DCTN2: variants seen among roughly 807,000 people sequenced by gnomAD.
DCTN2 encodes the protein 50 kDa dynein-associated polypeptide.
A neutral mutation model predicts 55.4 loss-of-function variants in DCTN2; 18 were observed. The observed-to-expected ratio is 0.32, with a 90% CI of 0.22 to 0.48. DCTN2 has a LOEUF of 0.48. Ranked by LOEUF, DCTN2 falls within the 20% of genes least tolerant of loss-of-function variation. The pLI is 0.99. For synonymous variants in DCTN2, 168 were observed against 185.2 expected (o/e 0.91, Z 0.76); for missense variants, 390 against 491.0 (o/e 0.79, Z 1.94).
At chr12:57,534,936 G>A (rs954367148) in intron 5 of DCTN2, 120 bp downstream of exon 5, 3 of 798,544 alleles carry the variant, frequency 3.8e-6, no homozygotes, top group South Asian at 1.7e-5. Context: ...TCCCAAAGTG[G>A]TAGGATTATA....
In DCTN2 at chr12:57,545,919, T is replaced by G. The variant is rs1374250703; in HGVS notation, c.105+109A>C. 4 of 1,116,454 alleles carry G rather than the reference T, an allele frequency of 3.6e-6. No homozygotes were observed. The East Asian group carries it at 9.5e-5, about 27-fold the overall frequency. The allele number at this position is 1,116,454 out of a possible 1,614,324, so 69.2% of individuals were successfully genotyped here. ...CCTGCAACCTATATACCACCCAGGC[T>G]GGGGTTGGCATACCCGCTTATTGCT... On this transcript the variant is annotated intron_variant, in intron 2 of 13. Coordinates refer to ENST00000548249, the MANE Select transcript of DCTN2 (RefSeq NM_001261413.2).
At position 57,543,257 on chromosome 12, in the gene DCTN2, G is replaced by A. The variant is rs573224997; in HGVS notation, c.105+2771C>T. On this transcript the variant is annotated intron_variant, in intron 2 of 13. Coordinates refer to ENST00000548249, the MANE Select transcript of DCTN2 (RefSeq NM_001261413.2). Reference sequence around the variant, plus strand: ...TCAGCTACTCGGGAGGCTAAGGCAGGAGAATGGCGTGAACCCGGGAGGTGG... The same window carrying A: ...TCAGCTACTCGGGAGGCTAAGGCAGAAGAATGGCGTGAACCCGGGAGGTGG... 46 of 343,072 alleles carry A rather than the reference G, an allele frequency of 1.3e-4. No individual in the cohort carries two copies. The East Asian group carries it at 3.4e-3, about 25-fold the overall frequency. 21.3% of individuals were successfully genotyped at this position (343,072 alleles called of 1,614,324 possible).
At chr12:57,533,847 G>A in intron 7 of DCTN2, 106 bp downstream of exon 7, 1 of 1,179,862 alleles carries the variant, frequency 8.5e-7, no homozygotes. Context: ...AGAGGAATCA[G>A]AGGAATCAGA....
intron 13 of DCTN2, among the ~76,000 whole-genome samples, chr12:57,531,722 AGT>A (rs1879731660): frequency 6.6e-6 from 1 of 152,172 alleles, no homozygotes; most frequent in Non-Finnish European, 1.5e-5. Context: ...AAAGGGAAAG[AGT>A]GGGGTTTTAT....
intron 3 of DCTN2, 67 bp from the exon 4 acceptor site, chr12:57,535,612 CTG>C: frequency 1.9e-6 from 3 of 1,574,910 alleles, no homozygotes; most frequent in Non-Finnish European, 1.7e-6. Context: ...TCTCAGGTGA[CTG>C]TGAGGGCTTC....
intron 2 of DCTN2, among the ~76,000 whole-genome samples, chr12:57,537,747 G>A (rs1215486384): frequency 1.3e-5 from 2 of 152,170 alleles, no homozygotes; most frequent in African/African-American, 4.8e-5. Context: ...TGTCCCATAT[G>A]CAAGTGCCCG....
chr12:57,530,894 G>C (rs1006872916), intron 13 of DCTN2, 119 bp from the exon 14 acceptor site: 1 of 872,588 alleles, frequency 1.1e-6, no homozygotes. Flanking sequence ...GTGGGCCACA[G>C]AGGGGGGATG....
intron 2 of DCTN2, chr12:57,539,984 G>A (rs992859427): frequency 1.0e-5 from 6 of 575,824 alleles, no homozygotes; most frequent in East Asian, 1.4e-4. Flanking sequence ...CCCGGCAGGC[G>A]GAGGTTGCAG....
chr12:57,543,671 C>T (rs1317012344), intron 2 of DCTN2: 23 of 753,338 alleles, frequency 3.1e-5, no homozygotes, highest in Middle Eastern at 6.6e-4. Context: ...CTTGGCTCTT[C>T]GGGCCCCTGA....
At chr12:57,539,889 G>A (rs1403384851) in intron 2 of DCTN2, among the ~76,000 whole-genome samples, 1 of 152,140 alleles carries the variant, frequency 6.6e-6, no homozygotes, top group African/African-American at 2.4e-5. Flanking sequence ...AGCCAGGCAT[G>A]GTGGTGGACG....
Position 57,530,696 on chromosome 12 carries a change from C to A in DCTN2, c.1199G>T (p.Gly400Val). 2 of 1,613,680 alleles carry A rather than the reference C, an allele frequency of 1.2e-6. No individual in the cohort carries two copies. The highest frequency in any genetic ancestry group is 1.7e-6 in the Non-Finnish European group (2 of 1,179,626). Residue 400 changes from glycine to valine, a missense_variant, in exon 14 of 14, where the codon GGA (glycine) becomes GTA (valine). Coordinates refer to ENST00000548249, the MANE Select transcript of DCTN2 (RefSeq NM_001261413.2). ...TCCAGCTCCCAAATGTGCTCACTTT[C>A]CCAGCTTCTTCATCCGTTCATCAAT... Reference protein sequence around the residue: ...ASIDERMKKLGK With the variant: ...ASIDERMKKLVK
chr12:57,534,044 C>A lies in DCTN2; in HGVS notation c.578G>T (p.Gly193Val), dbSNP rs761317836. The A allele has an allele frequency of 1.9e-6, 3 of 1,612,900 alleles. No homozygotes were observed. The highest frequency in any genetic ancestry group is 2.5e-6 in the Non-Finnish European group (3 of 1,179,426). The change falls in exon 7 of 14, where the codon GGA (glycine) becomes GTA (valine). Residue 193 changes from glycine to valine, a missense_variant. Coordinates refer to ENST00000548249, the MANE Select transcript of DCTN2 (RefSeq NM_001261413.2). ...ATKNSKGGSG[G>V]KTTGTPPDSS... Reference sequence around the variant, plus strand: ...ATCTGGGGGGGTCCCAGTGGTTTTTCCCCCTGATCCCCCTTTGCTGTTCTT... The same window carrying A: ...ATCTGGGGGGGTCCCAGTGGTTTTTACCCCTGATCCCCCTTTGCTGTTCTT...
intron 2 of DCTN2, among the ~76,000 whole-genome samples, chr12:57,538,894 A>AG (rs945880856): frequency 4.6e-5 from 7 of 152,326 alleles, no homozygotes; most frequent in South Asian, 4.1e-4. Context: ...GAGAAGGCTG[A>AG]GGTGGTGGGG....
intron 2 of DCTN2, among the ~76,000 whole-genome samples, chr12:57,537,941 C>A (rs1472332018): frequency 6.6e-6 from 1 of 152,194 alleles, no homozygotes; most frequent in Non-Finnish European, 1.5e-5. Context: ...CCACTTCTCC[C>A]TGTGAAAGCC....
rs369649258 is a variant in DCTN2 at position 57,530,455 on chromosome 12, G to A, written c.*234C>T. ...TGAGTTGGCATGTGGCTGGGCCCAC[G>A]TCCTTATCCCCCAGGCCTGAGGGGA... On this transcript the variant is annotated 3_prime_UTR_variant, in exon 14 of 14. Coordinates refer to ENST00000548249, the MANE Select transcript of DCTN2 (RefSeq NM_001261413.2). 362 of 466,306 alleles carry A rather than the reference G, an allele frequency of 7.8e-4. 2 individuals are homozygous for A. The highest frequency in any genetic ancestry group is 6.3e-3 in the African/African-American group (328 of 51,860). The allele number at this position is 466,306 out of a possible 1,614,324, so 28.9% of individuals were successfully genotyped here.
At chr12:57,531,011 G>C (rs1232851288) in intron 13 of DCTN2, among the ~76,000 whole-genome samples, 1 of 152,198 alleles carries the variant, frequency 6.6e-6, no homozygotes, top group African/African-American at 2.4e-5. Flanking sequence ...AGCCAGAACA[G>C]TTTTTTAAAA....
rs2140110376 is a variant in DCTN2 at position 57,530,616 on chromosome 12, G to A, written c.*73C>T. 7.6e-7 allele frequency: 1 copy of A among 1,321,962 alleles called. No homozygotes were observed. Among genetic ancestry groups the A allele is most frequent in the South Asian group, 1.3e-5 (1 of 79,724 alleles). 81.9% of individuals were successfully genotyped at this position (1,321,962 alleles called of 1,614,324 possible). A position where few individuals can be genotyped will look rare whatever the true frequency, so the allele number is the denominator to read the frequency against. On this transcript the variant is annotated 3_prime_UTR_variant, in exon 14 of 14. Coordinates refer to ENST00000548249, the MANE Select transcript of DCTN2 (RefSeq NM_001261413.2). ...GGGATGCTAGAGTTATAGTAAAGGG[G>A]AAACCCTATGTAAGCTGTTAACAGA...
intron 2 of DCTN2, among the ~76,000 whole-genome samples, chr12:57,538,981 C>T (rs1334402563): frequency 6.6e-6 from 1 of 152,212 alleles, no homozygotes; most frequent in East Asian, 1.9e-4. Context: ...GTCAATAATT[C>T]TCAGGAGAGG....
intron 7 of DCTN2, 119 bp from the exon 8 acceptor site, chr12:57,533,422 A>G: frequency 1.1e-6 from 1 of 886,194 alleles, no homozygotes; most frequent in Non-Finnish European, 1.9e-6. Context: ...TTTCCCTGGA[A>G]TACATACCTA....
Sources: allele counts gnomAD v4.1 joint callset (sites outside exome capture counted in the v4.1 genomes callset), GRCh38; gene constraint gnomAD v4.1.1; transcripts MANE v1.5; gene names NCBI Gene and HGNC (gene_info 2026-07-23, HGNC 2026-07-21).